Variants in MKLN1 observed in about 807,000 individuals in gnomAD.
MKLN1 encodes muskelin 1.
MKLN1 carries 18 observed loss-of-function variants against 99.0 expected under a neutral mutation model. That is an observed-to-expected ratio of 0.18 (90% confidence interval 0.13 to 0.27). The LOEUF (loss-of-function observed/expected upper bound fraction) is 0.27. Ranked by LOEUF, MKLN1 falls within the 10% of genes least tolerant of loss-of-function variation. The pLI is 1.00. For synonymous variants in MKLN1, 288 were observed against 293.2 expected (o/e 0.98, Z 0.18); for missense variants, 621 against 875.9 (o/e 0.71, Z 3.67).
chr7:131,438,563 T>G (rs1795740324), intron 10 of MKLN1, among the ~76,000 whole-genome samples: 1 of 151,154 alleles, frequency 6.6e-6, no homozygotes, highest in Non-Finnish European at 1.5e-5. Flanking sequence ...GCCATTTTAA[T>G]ATTAATATAC....
At chr7:131,306,010 G>T (rs1054251188) in intron 3 of MKLN1, among the ~76,000 whole-genome samples, 1 of 152,112 alleles carries the variant, frequency 6.6e-6, no homozygotes, top group Admixed American at 6.6e-5. Flanking sequence ...CATGAGGGTG[G>T]ATTTCCCCTA....
intron 1 of MKLN1, among the ~76,000 whole-genome samples, chr7:131,374,039 T>C (rs1037020229): frequency 6.6e-6 from 1 of 152,210 alleles, no homozygotes; most frequent in African/African-American, 2.4e-5. Flanking sequence ...TATAGACTCA[T>C]GGGTATTTTA....
intron 3 of MKLN1, among the ~76,000 whole-genome samples, chr7:131,300,608 A>T (rs1798362600): frequency 6.8e-6 from 1 of 147,486 alleles, no homozygotes; most frequent in Admixed American, 7.0e-5. Flanking sequence ...AATCGCTTGA[A>T]CTCCAGAGAA....
At chr7:131,336,437 A>T (rs1185530425) in intron 1 of MKLN1, among the ~76,000 whole-genome samples, 1 of 151,984 alleles carries the variant, frequency 6.6e-6, no homozygotes, top group Non-Finnish European at 1.5e-5. Context: ...ATAATTATTG[A>T]TAAATTTGGG....
chr7:131,287,422 G>A (rs1798148929), intron 3 of MKLN1, among the ~76,000 whole-genome samples: 1 of 152,174 alleles, frequency 6.6e-6, no homozygotes, highest in Non-Finnish European at 1.5e-5. Flanking sequence ...GGGGGCCCCA[G>A]GCCTTCCTTG....
At chr7:131,338,383 T>C (rs1016025151) in intron 1 of MKLN1, among the ~76,000 whole-genome samples, 5 of 152,250 alleles carry the variant, frequency 3.3e-5, no homozygotes, top group South Asian at 2.1e-4. Context: ...GGCTGTCCTT[T>C]TTTGGCTTCT....
At chr7:131,286,879 G>C (rs1349079833) in intron 3 of MKLN1, among the ~76,000 whole-genome samples, 4 of 152,220 alleles carry the variant, frequency 2.6e-5, no homozygotes, top group African/African-American at 9.6e-5. Flanking sequence ...GCCAAGATGG[G>C]TGGATGGCTT....
intron 6 of MKLN1, among the ~76,000 whole-genome samples, chr7:131,399,696 G>T (rs980157367): frequency 3.9e-5 from 6 of 152,106 alleles, no homozygotes; most frequent in African/African-American, 1.2e-4. Context: ...ACTTACAAAT[G>T]ATTAACTAGC....
intron 3 of MKLN1, among the ~76,000 whole-genome samples, chr7:131,244,765 G>A (rs1316631255): frequency 6.6e-6 from 1 of 152,012 alleles, no homozygotes; most frequent in Non-Finnish European, 1.5e-5. Flanking sequence ...TTGGCACAGG[G>A]GTCCTTGATT....
chr7:131,469,625 T>C (rs1796761191), intron 15 of MKLN1, among the ~76,000 whole-genome samples: 1 of 152,222 alleles, frequency 6.6e-6, no homozygotes. Flanking sequence ...ACAGAAACCC[T>C]GTCACCAAGG....
At chr7:131,170,570 G>A (rs1245660717) in intron 2 of MKLN1, among the ~76,000 whole-genome samples, 3 of 152,156 alleles carry the variant, frequency 2.0e-5, no homozygotes, top group Non-Finnish European at 2.9e-5. Context: ...TGAGAGAGTG[G>A]GTTCCCCTTG....
At chr7:131,209,975 A>G (rs1474599518) in intron 3 of MKLN1, among the ~76,000 whole-genome samples, 2 of 152,246 alleles carry the variant, frequency 1.3e-5, no homozygotes, top group Non-Finnish European at 2.9e-5. Context: ...CCTGGGTAGT[A>G]TAGATGAGCA....
At chr7:131,244,316 C>G (rs775157030) in intron 3 of MKLN1, among the ~76,000 whole-genome samples, 1 of 152,098 alleles carries the variant, frequency 6.6e-6, no homozygotes, top group Non-Finnish European at 1.5e-5. Flanking sequence ...TTTCATGACC[C>G]GCTCCTCCCT....
chr7:131,473,131 G>A (rs549309487), intron 16 of MKLN1, among the ~76,000 whole-genome samples: 1 of 152,196 alleles, frequency 6.6e-6, no homozygotes, highest in East Asian at 1.9e-4. Context: ...ATATCCAACA[G>A]TCTGTTTGGG....
chr7:131,143,729 G>A (rs1203500965), intron 2 of MKLN1, among the ~76,000 whole-genome samples: 1 of 152,166 alleles, frequency 6.6e-6, no homozygotes, highest in Non-Finnish European at 1.5e-5. Flanking sequence ...TTGGGAGGCT[G>A]AGGCAGGAGG....
intron 3 of MKLN1, among the ~76,000 whole-genome samples, chr7:131,320,411 C>T (rs1280017747): frequency 6.6e-6 from 1 of 152,158 alleles, no homozygotes; most frequent in Non-Finnish European, 1.5e-5. Context: ...CTCCTTACAC[C>T]TTATACAAAA....
chr7:131,161,849 T>C (rs943404314), intron 2 of MKLN1, among the ~76,000 whole-genome samples: 1 of 151,708 alleles, frequency 6.6e-6, no homozygotes, highest in African/African-American at 2.4e-5. Context: ...GTGACACAGG[T>C]ATTCTAAGGG....
At chr7:131,203,034 T>A (rs1036242051) in intron 3 of MKLN1, 15 of 152,378 alleles carry the variant, frequency 9.8e-5, no homozygotes, top group African/African-American at 3.6e-4. Context: ...AATAATCATC[T>A]ATGTCGTATA....
intron 1 of MKLN1, among the ~76,000 whole-genome samples, chr7:131,126,586 T>C (rs13228154): frequency 0.43 from 64,881 of 151,960 alleles, 15,649 homozygotes; most frequent in Non-Finnish European, 0.56. Context: ...GGAGTTTCAC[T>C]CTTGTCACCC....
Sources: allele counts gnomAD v4.1 joint callset (sites outside exome capture counted in the v4.1 genomes callset), GRCh38; gene constraint gnomAD v4.1.1; transcripts MANE v1.5; gene names NCBI Gene and HGNC (gene_info 2026-07-23, HGNC 2026-07-21).